BEGAIN: variants seen among roughly 807,000 people sequenced by gnomAD.
The protein encoded by BEGAIN is brain enriched guanylate kinase associated.
Under a neutral mutation model 35.8 loss-of-function variants are expected in BEGAIN, and 19 were observed. That is an observed-to-expected ratio of 0.53 (90% CI 0.37 to 0.78). The LOEUF is 0.78. Among genes scored for constraint, BEGAIN ranks in the 30% least tolerant of loss-of-function variants. The pLI is 0.00. For synonymous variants in BEGAIN, 462 were observed against 388.6 expected, an observed-to-expected ratio of 1.19 and a Z score of -2.22; for missense variants, 795 against 853.6, an observed-to-expected ratio of 0.93 and a Z score of 0.85.
At position 100,567,768 on chromosome 14, in the gene BEGAIN, C is replaced by G; in HGVS notation, c.71+143G>C. 2 of 732,394 alleles carry G rather than the reference C, an allele frequency of 2.7e-6. No homozygotes were observed. The highest frequency in any genetic ancestry group is 1.9e-6 in the Non-Finnish European group (1 of 531,812). The allele number at this position is 732,394 out of a possible 1,614,324, so 45.4% of individuals were successfully genotyped here. ...GGCGCGCACACACGCACCACACACA[C>G]GCACCTGGCCCGCAGCCCCGCCGAG... On this transcript the variant is annotated intron_variant, in intron 2 of 6. Transcript: ENST00000554140. The surrounding 1 kb of genome is among the most constrained non-coding windows in gnomAD (Gnocchi z 5.1).
At chr14:100,583,646 CTTTTCTTT>C (rs2035368880) in intron 1 of BEGAIN, among the ~76,000 whole-genome samples, 1 of 146,298 alleles carries the variant, frequency 6.8e-6, no homozygotes, top group African/African-American at 2.5e-5. Context: ...TTCTTTCTTT[CTTTTCTTT>C]TTTTCTTTCT....
intron 1 of BEGAIN, among the ~76,000 whole-genome samples, chr14:100,571,199 G>A (rs893384494): frequency 1.4e-4 from 22 of 152,192 alleles, no homozygotes; most frequent in African/African-American, 4.6e-4. Context: ...TCTTTCTGGT[G>A]GTCCAGCCCA....
Position 100,586,007 on chromosome 14 carries a change from G to A in BEGAIN, c.42+1242C>T, listed in dbSNP as rs1161100260. Among the ~76,000 whole-genome samples the A allele has an allele frequency of 6.6e-6, 1 of 152,230 alleles. No individual in the cohort carries two copies. Among genetic ancestry groups the A allele is most frequent in the Non-Finnish European group, 1.5e-5 (1 of 68,038 alleles). On this transcript the variant is annotated intron_variant, in intron 1 of 6. Transcript: ENST00000554140. This position sits in a 1 kb window ranked among gnomAD's most constrained non-coding sequence, Gnocchi z 4.9. The stretch of plus-strand genomic sequence containing the variant: ...GAAAATTAAGGGTTTGCAGGATGCT[G>A]CTGGGGCCCTCTCTGCCGTCTCCCC...
At position 100,558,710 on chromosome 14, in the gene BEGAIN, TTCTC is replaced by T. The variant is rs1271661136; in HGVS notation, c.71+9197_71+9200del. ...CTCGATGCATCCTTGACTCCTCTCT[TTCTC>T]TCCCCATCCTTCCCAGGGTATACCA... On this transcript the variant is annotated intron_variant, in intron 2 of 6. Transcript: ENST00000554140. This position sits in a 1 kb window ranked among gnomAD's most constrained non-coding sequence, Gnocchi z 4.6. Among the ~76,000 whole-genome samples the T allele has an allele frequency of 6.6e-6, 1 of 152,114 alleles. No individual in the cohort carries two copies. Among genetic ancestry groups the T allele is most frequent in the Non-Finnish European group, 1.5e-5 (1 of 68,028 alleles).
chr14:100,555,981 T>C (rs943975139), intron 2 of BEGAIN, among the ~76,000 whole-genome samples: 12 of 150,984 alleles, frequency 7.9e-5, no homozygotes, highest in East Asian at 5.8e-4. Flanking sequence ...TGCATGTGCG[T>C]GTGTGTGTGT....
chr14:100,562,750 C>T (rs895347996), intron 2 of BEGAIN, among the ~76,000 whole-genome samples: 4 of 152,192 alleles, frequency 2.6e-5, no homozygotes, highest in Non-Finnish European at 4.4e-5. Context: ...TTCCCTGAGC[C>T]ACGCTGTACA....
chr14:100,568,567 C>T lies in BEGAIN; in HGVS notation c.43-628G>A, dbSNP rs2034919964. 3.2e-6 allele frequency: 4 copies of T among 1,250,484 alleles called. No homozygotes were observed. The South Asian group carries it at 5.1e-5, about 16-fold the overall frequency. The allele number at this position is 1,250,484 out of a possible 1,614,324, so 77.5% of individuals were successfully genotyped here. A position where few individuals can be genotyped will look rare whatever the true frequency, so the allele number is the denominator to read the frequency against. On this transcript the variant is annotated intron_variant, in intron 1 of 6. Coordinates refer to ENST00000554140, the MANE Select transcript of BEGAIN (RefSeq NM_001385089.1). This position sits in a 1 kb window ranked among gnomAD's most constrained non-coding sequence, Gnocchi z 7.5. ...GCCCCAGGGATTAACCCGTGAGCGC[C>T]CGGCTCGCCGGCGGGGCTCCCTGCC...
intron 2 of BEGAIN, among the ~76,000 whole-genome samples, chr14:100,566,527 C>T (rs1016606715): frequency 2.0e-5 from 3 of 152,190 alleles, no homozygotes; most frequent in South Asian, 2.1e-4. Context: ...CCCCCACAGG[C>T]GGTACAACCC....
At position 100,562,951 on chromosome 14, in the gene BEGAIN, A is replaced by G. The variant is rs1221266612; in HGVS notation, c.71+4960T>C. ...TGCTCAGTGAATGCGTGTGGAATCC[A>G]TGATCAGTGAACAATGAGAGCAGCA... On this transcript the variant is annotated intron_variant, in intron 2 of 6. Coordinates refer to ENST00000554140, the MANE Select transcript of BEGAIN (RefSeq NM_001385089.1). Among the ~76,000 whole-genome samples the G allele has an allele frequency of 3.8e-5, 4 of 106,336 alleles. No individual in the cohort carries two copies. In the East Asian group the frequency reaches 9.3e-4, roughly 25 times the overall value. 69.8% of individuals were successfully genotyped at this position (106,336 alleles called of 152,430 possible).
chr14:100,543,624 C>G (rs2031963645), intron 5 of BEGAIN, among the ~76,000 whole-genome samples: 1 of 152,188 alleles, frequency 6.6e-6, no homozygotes, highest in Admixed American at 6.5e-5. Flanking sequence ...TTAAGGACAC[C>G]CTTGGCGTCC....
intron 1 of BEGAIN, among the ~76,000 whole-genome samples, chr14:100,570,475 C>G (rs1040487116): frequency 6.6e-6 from 1 of 152,222 alleles, no homozygotes; most frequent in African/African-American, 2.4e-5. Flanking sequence ...TGCCCTCCCC[C>G]TTGGAGGCTG....
Position 100,560,773 on chromosome 14 carries a change from G to A in BEGAIN, c.71+7138C>T, listed in dbSNP as rs888098222. 1.2e-4 allele frequency among the ~76,000 whole-genome samples: 18 copies of A among 152,288 alleles called. No individual in the cohort carries two copies. In the East Asian group the frequency reaches 2.9e-3, roughly 25 times the overall value. ...AAGACCTGGTCCCAGGCCCTGCTGC[G>A]TTCACCTGACAAGCATCCCCTGTCC... On this transcript the variant is annotated intron_variant, in intron 2 of 6. Coordinates refer to ENST00000554140, the MANE Select transcript of BEGAIN (RefSeq NM_001385089.1).
rs2034871811 is a variant in BEGAIN at position 100,568,109 on chromosome 14, C to T, written c.43-170G>A. The T allele has an allele frequency of 9.7e-7, 1 of 1,032,200 alleles. No individual in the cohort carries two copies. Among genetic ancestry groups the T allele is most frequent in the Non-Finnish European group, 1.2e-6 (1 of 862,090 alleles). 63.9% of individuals were successfully genotyped at this position (1,032,200 alleles called of 1,614,324 possible). A position where few individuals can be genotyped will look rare whatever the true frequency, so the allele number is the denominator to read the frequency against. On this transcript the variant is annotated intron_variant, in intron 1 of 6. Transcript: ENST00000554140. This position sits in a 1 kb window ranked among gnomAD's most constrained non-coding sequence, Gnocchi z 7.5. ...CCAGTCCCGGCCGCGGCCCCCGTGA[C>T]TCAGTGGGCGCGCCGGGCCGCGGCC...
At chr14:100,579,781 G>A (rs1263712555) in intron 1 of BEGAIN, among the ~76,000 whole-genome samples, 2 of 152,152 alleles carry the variant, frequency 1.3e-5, no homozygotes, top group South Asian at 2.1e-4. Flanking sequence ...AACAGGGGCC[G>A]CTTCAACTCT....
At position 100,538,049 on chromosome 14, in the gene BEGAIN, A is replaced by C; in HGVS notation, c.1759T>G (p.Phe587Val). The change falls in exon 7 of 7, where the codon TTT becomes GTT. Residue 587 changes from phenylalanine to valine, a missense_variant. Phe to Val is a conservative substitution (Grantham distance 50). Transcript: ENST00000554140. Reference protein sequence around the residue: ...PAARLSPQQAFPRTGGSGLSR... With the variant: ...PAARLSPQQAVPRTGGSGLSR... ...AGCCCCGAGCCACCAGTCCGCGGAA[A>C]GGCCTGCTGGGGGCTGAGGCGGGCG... is the stretch of plus-strand genomic sequence containing the variant. 1 of 1,607,000 alleles carries C rather than the reference A, an allele frequency of 6.2e-7. No homozygotes were observed. Among genetic ancestry groups the C allele is most frequent in the Non-Finnish European group, 8.5e-7 (1 of 1,177,776 alleles).
intron 2 of BEGAIN, among the ~76,000 whole-genome samples, chr14:100,560,549 G>A (rs1467091379): frequency 1.3e-5 from 2 of 152,062 alleles, no homozygotes; most frequent in Non-Finnish European, 1.5e-5. Context: ...TCCCTGGGAC[G>A]GCCATTCCAA....
intron 4 of BEGAIN, 49 bp downstream of exon 4, chr14:100,544,951 C>G (rs147714240): frequency 1.9e-6 from 3 of 1,589,620 alleles, no homozygotes; most frequent in Admixed American, 1.7e-5. Context: ...TGGCTCCCCC[C>G]GGGAAGGAGG....
intron 5 of BEGAIN, among the ~76,000 whole-genome samples, chr14:100,542,138 C>T (rs2031718484): frequency 6.6e-6 from 1 of 152,176 alleles, no homozygotes; most frequent in African/African-American, 2.4e-5. Context: ...GTCCTCCTGT[C>T]CTCCTGTTAG....
intron 5 of BEGAIN, among the ~76,000 whole-genome samples, chr14:100,541,421 C>T (rs2031589419): frequency 6.6e-6 from 1 of 152,216 alleles, no homozygotes; most frequent in Non-Finnish European, 1.5e-5. Context: ...GCAAGGCTGT[C>T]TCTGACACAG....
Sources: gnomAD v4.1 joint callset for allele counts (sites outside exome capture counted in the v4.1 genomes callset) on GRCh38, gnomAD v4.1.1 for gene constraint, Gnocchi (gnomAD v3.1) non-coding constraint, MANE v1.5 for transcripts, NCBI Gene and HGNC (gene_info 2026-07-23, HGNC 2026-07-21) for gene names.